Variants in APBB2 observed in about 807,000 individuals in gnomAD.
APBB2 encodes the protein amyloid beta precursor protein binding family B member 2.
Under a neutral mutation model 82.5 loss-of-function variants are expected in APBB2, and 38 were observed. The observed-to-expected ratio is 0.46, with a 90% CI of 0.36 to 0.60. APBB2 has a LOEUF of 0.60. Among genes scored for constraint, APBB2 ranks in the 20% least tolerant of loss-of-function variants. The pLI is 0.00. For missense variants in APBB2, 772 were observed against 972.3 expected (o/e 0.79, Z 2.74); for synonymous variants, 341 against 368.2 (o/e 0.93, Z 0.85).
intron 17 of APBB2, among the ~76,000 whole-genome samples, chr4:40,817,116 C>T (rs1367798501): frequency 5.9e-5 from 9 of 151,650 alleles, no homozygotes; most frequent in African/African-American, 1.9e-4. Flanking sequence ...TTTTAAAATA[C>T]AGTTGACCTG....
At chr4:41,120,323 G>C (rs929101883) in intron 2 of APBB2, among the ~76,000 whole-genome samples, 6 of 152,108 alleles carry the variant, frequency 3.9e-5, no homozygotes, top group Non-Finnish European at 8.8e-5. Context: ...CCTAGGACCT[G>C]GCTCACTCAC....
chr4:41,150,429 T>C (rs1322126004), intron 1 of APBB2, among the ~76,000 whole-genome samples: 1 of 152,212 alleles, frequency 6.6e-6, no homozygotes, highest in Non-Finnish European at 1.5e-5. Flanking sequence ...CTGGAAACAG[T>C]GAAGTCTAGA....
intron 2 of APBB2, among the ~76,000 whole-genome samples, chr4:41,120,895 G>C (rs572400539): frequency 6.6e-6 from 1 of 152,264 alleles, no homozygotes; most frequent in South Asian, 2.1e-4. Flanking sequence ...CTTCAGCTCT[G>C]CCTCAGTACA....
At chr4:40,917,370 T>C (rs1206365851) in intron 10 of APBB2, among the ~76,000 whole-genome samples, 1 of 152,096 alleles carries the variant, frequency 6.6e-6, no homozygotes, top group Non-Finnish European at 1.5e-5. Context: ...TCTCCCGGGC[T>C]GGAAGCAGCA....
At chr4:41,166,064 C>T (rs925242392) in intron 1 of APBB2, among the ~76,000 whole-genome samples, 7 of 151,342 alleles carry the variant, frequency 4.6e-5, no homozygotes, top group Non-Finnish European at 1.0e-4. Context: ...TTAGTAGAGA[C>T]GGGGTTTCAC....
At chr4:40,914,565 C>T (rs1163383260) in intron 10 of APBB2, among the ~76,000 whole-genome samples, 4 of 151,938 alleles carry the variant, frequency 2.6e-5, no homozygotes, top group Non-Finnish European at 4.4e-5. Flanking sequence ...CAAATAAATA[C>T]ATAGGTAGAT....
chr4:41,033,289 GGT>G lies in APBB2; in HGVS notation c.-37_-36del. Reference sequence around the variant, plus strand: ...GGCGTCAGCAATGGTGCAGGAAATAGGTTATAATTTGAAATCTAAAAAGAAGG... The same window carrying G: ...GGCGTCAGCAATGGTGCAGGAAATAGTATAATTTGAAATCTAAAAAGAAGG... On this transcript the variant is annotated 5_prime_UTR_variant, in exon 5 of 18. The change abolishes the stop of an existing upstream ORF in the 5' untranslated region. Transcript: ENST00000508593. The G allele has an allele frequency of 6.3e-7, 1 of 1,582,472 alleles. No individual in the cohort carries two copies. Among genetic ancestry groups the G allele is most frequent in the Non-Finnish European group, 8.6e-7 (1 of 1,164,054 alleles).
At chr4:40,958,708 C>T (rs1426619243) in intron 6 of APBB2, among the ~76,000 whole-genome samples, 1 of 152,124 alleles carries the variant, frequency 6.6e-6, no homozygotes, top group Non-Finnish European at 1.5e-5. Context: ...TGGGCTCAAG[C>T]GATTCTCCTG....
At chr4:41,099,802 G>A (rs552356359) in intron 3 of APBB2, among the ~76,000 whole-genome samples, 65 of 152,168 alleles carry the variant, frequency 4.3e-4, no homozygotes, top group Admixed American at 8.5e-4. Context: ...TAATTTAATG[G>A]AAGAACAATT....
At chr4:40,859,729 C>A (rs538316594) in intron 12 of APBB2, among the ~76,000 whole-genome samples, 2 of 152,358 alleles carry the variant, frequency 1.3e-5, no homozygotes, top group Admixed American at 1.3e-4. Flanking sequence ...GTCTCACAGG[C>A]CGCCTGGGAT....
At chr4:41,130,943 C>T (rs972044201) in intron 2 of APBB2, among the ~76,000 whole-genome samples, 53 of 152,170 alleles carry the variant, frequency 3.5e-4, no homozygotes, top group Admixed American at 1.2e-3. Flanking sequence ...TTCAACTGCT[C>T]CACATCATAA....
At chr4:40,941,130 G>C (rs1786784953) in intron 7 of APBB2, among the ~76,000 whole-genome samples, 1 of 143,590 alleles carries the variant, frequency 7.0e-6, no homozygotes, top group South Asian at 2.2e-4. Flanking sequence ...TTAGCACTTA[G>C]TTATTTGATT....
intron 1 of APBB2, among the ~76,000 whole-genome samples, chr4:41,170,019 T>C (rs1473849703): frequency 6.6e-6 from 1 of 152,134 alleles, no homozygotes; most frequent in Non-Finnish European, 1.5e-5. Context: ...CATATAATAG[T>C]TGGAGTGCAT....
At chr4:41,154,655 A>C (rs1763031231) in intron 1 of APBB2, among the ~76,000 whole-genome samples, 1 of 152,214 alleles carries the variant, frequency 6.6e-6, no homozygotes, top group Non-Finnish European at 1.5e-5. Flanking sequence ...ATCTCTTGAA[A>C]TTGTGTAACC....
intron 6 of APBB2, among the ~76,000 whole-genome samples, chr4:40,977,028 A>G (rs1036898197): frequency 6.6e-6 from 1 of 151,772 alleles, no homozygotes; most frequent in Admixed American, 6.6e-5. Context: ...CAGCCTGGTG[A>G]CAGAGACTTT....
chr4:40,928,425 CACAAT>C (rs758603559), intron 10 of APBB2, among the ~76,000 whole-genome samples: 2 of 59,110 alleles, frequency 3.4e-5, no homozygotes, highest in African/African-American at 6.7e-5. Flanking sequence ...CACACACACA[CACAAT>C]CAGCCAGGTG....
At chr4:41,013,436 G>C (rs918614204) in intron 6 of APBB2, 147 bp downstream of exon 6, 3 of 704,752 alleles carry the variant, frequency 4.3e-6, no homozygotes, top group African/African-American at 3.6e-5. Context: ...GTAATATTTT[G>C]CAAATAAATT....
chr4:41,032,692 C>T (rs62413760), intron 5 of APBB2, among the ~76,000 whole-genome samples: 6,945 of 150,846 alleles, frequency 0.046, 337 homozygotes, highest in African/African-American at 0.13. Context: ...TTTTACATTA[C>T]GATATAAGTA....
At chr4:40,844,724 C>T (rs941082618) in intron 12 of APBB2, among the ~76,000 whole-genome samples, 5 of 152,216 alleles carry the variant, frequency 3.3e-5, no homozygotes, top group African/African-American at 1.2e-4. Flanking sequence ...GAATCCACAG[C>T]TGGGTAACAT....
Sources: gnomAD v4.1 joint callset for allele counts (sites outside exome capture counted in the v4.1 genomes callset) on GRCh38, gnomAD v4.1.1 for gene constraint, MANE v1.5 for transcripts, NCBI Gene and HGNC (gene_info 2026-07-23, HGNC 2026-07-21) for gene names.